GAB2: variants seen among roughly 807,000 people sequenced by gnomAD.
GAB2 encodes the protein GRB2-associated-binding protein 2.
A neutral mutation model predicts 65.5 loss-of-function variants in GAB2; 26 were observed. The observed-to-expected ratio is 0.40, with a 90% CI of 0.29 to 0.55. The LOEUF (loss-of-function observed/expected upper bound fraction) is 0.55, where lower values mean the gene tolerates loss of function less well. Ranked by LOEUF, GAB2 falls within the 20% of genes least tolerant of loss-of-function variation. The pLI, the probability that GAB2 is intolerant of heterozygous loss-of-function variation, is 0.53. For synonymous variants in GAB2, 321 were observed against 329.6 expected, an observed-to-expected ratio of 0.97 and a Z score of 0.28; for missense variants, 884 against 875.8, an observed-to-expected ratio of 1.01 and a Z score of -0.12.
intron 2 of GAB2, among the ~76,000 whole-genome samples, chr11:78,274,608 G>A (rs533414211): frequency 2.6e-5 from 4 of 152,336 alleles, no homozygotes; most frequent in African/African-American, 9.6e-5. Flanking sequence ...CATGTAATCA[G>A]AGTGGTGATT....
chr11:78,336,147 C>G (rs1228271767), intron 1 of GAB2, among the ~76,000 whole-genome samples: 1 of 151,634 alleles, frequency 6.6e-6, no homozygotes, highest in African/African-American at 2.4e-5. Context: ...AATCCTATCT[C>G]TACTAAAAAT....
chr11:78,239,454 C>T (rs1331271984), intron 3 of GAB2, among the ~76,000 whole-genome samples: 1 of 152,038 alleles, frequency 6.6e-6, no homozygotes. Context: ...CTCCTGACCT[C>T]GTGATCCACC....
intron 1 of GAB2, chr11:78,324,642 C>T (rs1054406643): frequency 1.3e-5 from 2 of 152,144 alleles, no homozygotes; most frequent in African/African-American, 4.8e-5. Context: ...ATGCTAAGTG[C>T]TTTATACATA....
intron 1 of GAB2, among the ~76,000 whole-genome samples, chr11:78,373,296 A>G (rs1407761597): frequency 6.7e-6 from 1 of 150,188 alleles, no homozygotes; most frequent in African/African-American, 2.5e-5. Flanking sequence ...CTGGAGTGCA[A>G]TGGCGGAATC....
At chr11:78,324,798 A>C (rs1855793316) in intron 1 of GAB2, 1 of 152,208 alleles carries the variant, frequency 6.6e-6, no homozygotes, top group Non-Finnish European at 1.5e-5. Flanking sequence ...ACAAGGTAAG[A>C]ATTATGCCTC....
chr11:78,409,274 A>G (rs966809293), intron 1 of GAB2, among the ~76,000 whole-genome samples: 1 of 152,160 alleles, frequency 6.6e-6, no homozygotes, highest in African/African-American at 2.4e-5. Flanking sequence ...AGATGTTGCA[A>G]TTCTAAATGT....
intron 1 of GAB2, among the ~76,000 whole-genome samples, chr11:78,402,336 T>C (rs1035359158): frequency 7.9e-5 from 12 of 152,150 alleles, no homozygotes; most frequent in Non-Finnish European, 1.6e-4. Flanking sequence ...TTTTTTTCTT[T>C]GCAGTCCCAG....
chr11:78,240,423 C>T (rs1387852185), intron 3 of GAB2, among the ~76,000 whole-genome samples: 2 of 152,250 alleles, frequency 1.3e-5, no homozygotes, highest in African/African-American at 2.4e-5. Flanking sequence ...TGAGCTGAGA[C>T]ACCCTGCCCT....
intron 1 of GAB2, among the ~76,000 whole-genome samples, chr11:78,337,316 G>A (rs1856019152): frequency 6.6e-6 from 1 of 152,174 alleles, no homozygotes. Flanking sequence ...AAGGCAATAT[G>A]CAAAAGGCAC....
chr11:78,379,512 AG>A (rs1856671752), intron 1 of GAB2, among the ~76,000 whole-genome samples: 1 of 152,254 alleles, frequency 6.6e-6, no homozygotes, highest in Non-Finnish European at 1.5e-5. Flanking sequence ...CCGACAAGAC[AG>A]ATTTCCTACT....
chr11:78,355,620 T>TGA (rs1207165231), intron 1 of GAB2, among the ~76,000 whole-genome samples: 3 of 137,538 alleles, frequency 2.2e-5, no homozygotes, highest in African/African-American at 8.5e-5. Flanking sequence ...GAGGCTATAG[T>TGA]GAGCTATGAT....
At chr11:78,283,259 A>G (rs904315417) in intron 1 of GAB2, among the ~76,000 whole-genome samples, 2 of 152,238 alleles carry the variant, frequency 1.3e-5, no homozygotes, top group African/African-American at 4.8e-5. Flanking sequence ...CTGCACCTGT[A>G]GCTGTGAGCT....
At chr11:78,314,643 T>C (rs747815049) in intron 1 of GAB2, among the ~76,000 whole-genome samples, 3 of 152,328 alleles carry the variant, frequency 2.0e-5, no homozygotes, top group East Asian at 1.9e-4. Flanking sequence ...CAAGTGTATA[T>C]AGAAGTACCT....
At chr11:78,414,087 C>CAAAAAAAAAAAA (rs34915163) in intron 1 of GAB2, among the ~76,000 whole-genome samples, 1 of 83,290 alleles carries the variant, frequency 1.2e-5, no homozygotes, top group Non-Finnish European at 2.6e-5. Context: ...AACTCTGTCT[C>CAAAAAAAAAAAA]AAAAAAAAAA....
intron 3 of GAB2, among the ~76,000 whole-genome samples, chr11:78,231,093 C>T (rs1053550226): frequency 5.3e-5 from 8 of 152,166 alleles, no homozygotes; most frequent in Non-Finnish European, 8.8e-5. Context: ...TGAGACACAC[C>T]TCTTACTTTC....
intron 1 of GAB2, among the ~76,000 whole-genome samples, chr11:78,300,684 G>T (rs865843323): frequency 0.046 from 6,154 of 133,658 alleles, 235 homozygotes; most frequent in African/African-American, 0.15. Context: ...TTTTTTTTTT[G>T]GTTTTTTTTT....
intron 1 of GAB2, among the ~76,000 whole-genome samples, chr11:78,315,787 T>C (rs1304509114): frequency 6.6e-6 from 1 of 152,142 alleles, no homozygotes; most frequent in African/African-American, 2.4e-5. Context: ...TTTGTGATGG[T>C]TAATATTAGG....
chr11:78,240,090 A>G (rs1865086170), intron 3 of GAB2, among the ~76,000 whole-genome samples: 1 of 151,970 alleles, frequency 6.6e-6, no homozygotes, highest in African/African-American at 2.4e-5. Context: ...CTGAAGCAGT[A>G]TGCTCTCTTC....
At chr11:78,299,872 G>T (rs1338351430) in intron 1 of GAB2, among the ~76,000 whole-genome samples, 1 of 152,142 alleles carries the variant, frequency 6.6e-6, no homozygotes, top group Admixed American at 6.5e-5. Flanking sequence ...TGTTTAATTT[G>T]TAAGAATTCA....
Sources: allele counts gnomAD v4.1 joint callset (sites outside exome capture counted in the v4.1 genomes callset), GRCh38; gene constraint gnomAD v4.1.1; transcripts MANE v1.5; gene names NCBI Gene and HGNC (gene_info 2026-07-23, HGNC 2026-07-21).